Variants in AFG3L2 observed in about 807,000 individuals in gnomAD.
AFG3L2 encodes the protein AFG3 like matrix AAA peptidase subunit 2, also known as mitochondrial inner membrane m-AAA protease component AFG3L2.
A neutral mutation model predicts 94.5 loss-of-function variants in AFG3L2; 54 were observed. That is an observed-to-expected ratio of 0.57 (90% CI 0.46 to 0.72). The LOEUF (loss-of-function observed/expected upper bound fraction) is 0.72. Ranked by LOEUF, AFG3L2 falls within the 30% of genes least tolerant of loss-of-function variation. The probability of loss-of-function intolerance (pLI) is 0.00; values close to 1 mark genes in which losing one functional copy is unlikely to be tolerated. For missense variants in AFG3L2, 754 were observed against 994.9 expected, an observed-to-expected ratio of 0.76 and a Z score of 3.26; for synonymous variants, 377 against 365.5, an observed-to-expected ratio of 1.03 and a Z score of -0.36.
rs1435637180 is a variant in AFG3L2 at position 12,358,803 on chromosome 18, A to C, written c.893T>G (p.Val298Gly). Residue 298 changes from valine to glycine, a missense_variant, in exon 8 of 17, where the codon GTC becomes GGC. Around this residue, in one of 4 missense-constraint regions of AFG3L2, gnomAD observed 130 missense variants for 175.1 expected, o/e 0.74. Transcript: ENST00000269143. ...CTTCACATCAATTTCATCCTTTAAG[A>C]CCTTGGCAGTGGTTTCTCCGACACT... ...LFSVGETTAKVLKDEIDVKFK... is the reference protein window; with the variant it reads ...LFSVGETTAKGLKDEIDVKFK... 1 of 1,614,176 alleles carries C rather than the reference A, an allele frequency of 6.2e-7. No individual in the cohort carries two copies. Among genetic ancestry groups the C allele is most frequent in the Non-Finnish European group, 8.5e-7 (1 of 1,180,048 alleles).
At chr18:12,354,538 C>T (rs1261925494) in intron 9 of AFG3L2, among the ~76,000 whole-genome samples, 1 of 152,226 alleles carries the variant, frequency 6.6e-6, no homozygotes, top group Non-Finnish European at 1.5e-5. Context: ...ATGATGTCCT[C>T]AGTGATTTCC....
At chr18:12,361,208 A>G (rs1482317402) in intron 6 of AFG3L2, among the ~76,000 whole-genome samples, 4 of 152,140 alleles carry the variant, frequency 2.6e-5, no homozygotes, top group Admixed American at 2.0e-4. Context: ...TGTCTCTACT[A>G]AAACTACAAA....
chr18:12,343,940 TA>T, intron 14 of AFG3L2, 191 bp downstream of exon 14: 1 of 621,640 alleles, frequency 1.6e-6, no homozygotes, highest in South Asian at 1.9e-5. Context: ...TCCCTTTAAA[TA>T]ATTTTCTGTC....
chr18:12,350,278 T>C (rs891824413), intron 12 of AFG3L2, among the ~76,000 whole-genome samples: 2 of 152,204 alleles, frequency 1.3e-5, no homozygotes, highest in African/African-American at 2.4e-5. Context: ...CCCAAAGTGC[T>C]GGTATTACAG....
chr18:12,360,096 A>C (rs768343001), intron 6 of AFG3L2, 45 bp from the exon 7 acceptor site: 10 of 1,594,052 alleles, frequency 6.3e-6, no homozygotes, highest in African/African-American at 2.7e-5. Context: ...TAGTGAAACT[A>C]AAAGGTTCAA....
At chr18:12,367,239 C>T (rs776534184) in intron 4 of AFG3L2, 37 bp downstream of exon 4, 21 of 1,613,650 alleles carry the variant, frequency 1.3e-5, no homozygotes, top group Non-Finnish European at 1.6e-5. Context: ...GGGCCACCAT[C>T]ATAACCTCAA....
intron 15 of AFG3L2, among the ~76,000 whole-genome samples, chr18:12,339,673 C>A (rs1291220355): frequency 6.6e-6 from 1 of 151,266 alleles, no homozygotes; most frequent in Admixed American, 6.6e-5. Flanking sequence ...ACGGTGAAAC[C>A]CTGTCTCTAC....
At chr18:12,355,325 A>C (rs546222203) in intron 9 of AFG3L2, among the ~76,000 whole-genome samples, 9 of 152,340 alleles carry the variant, frequency 5.9e-5, no homozygotes, top group Non-Finnish European at 1.2e-4. Flanking sequence ...ACAAATGGCC[A>C]ATAAGCATAT....
intron 1 of AFG3L2, among the ~76,000 whole-genome samples, chr18:12,373,373 T>C (rs1356219605): frequency 2.0e-5 from 3 of 152,096 alleles, no homozygotes; most frequent in Admixed American, 6.6e-5. Context: ...CAGTGGGGTG[T>C]CCGAAGGGGA....
Position 12,329,655 on chromosome 18 carries a change from C to T in AFG3L2, c.2304G>A (p.Glu768=), listed in dbSNP as rs1242888595. The T allele has an allele frequency of 4.3e-6, 7 of 1,614,144 alleles. No homozygotes were observed. The South Asian group carries it at 7.7e-5, about 18-fold the overall frequency. The change falls in exon 17 of 17, where the codon GAG becomes GAA. Residue 768 remains glutamate, a synonymous_variant. Coordinates refer to ENST00000269143, the MANE Select transcript of AFG3L2 (RefSeq NM_006796.3). The part of the protein sequence containing the change: ...EFVEGTGSLD[E]DTSLPEGLKD... Reference sequence around the variant, plus strand: ...TAAGGCCTTCTGGAAGTGAGGTGTCCTCATCCAAGCTGCCAGTGCCTTCCA... The same window carrying T: ...TAAGGCCTTCTGGAAGTGAGGTGTCTTCATCCAAGCTGCCAGTGCCTTCCA...
At chr18:12,359,023 A>ACC in intron 7 of AFG3L2, 80 bp from the exon 8 acceptor site, 2 of 1,539,216 alleles carry the variant, frequency 1.3e-6, no homozygotes, top group African/African-American at 2.7e-5. Context: ...TATCAATATA[A>ACC]ATATATATAG....
intron 6 of AFG3L2, 80 bp downstream of exon 6, chr18:12,363,702 T>C: frequency 8.9e-7 from 1 of 1,123,636 alleles, no homozygotes; most frequent in South Asian, 1.2e-5. Flanking sequence ...TCCTAGAGTA[T>C]GAGGCAGGTT....
chr18:12,347,880 C>G (rs1299009923), intron 13 of AFG3L2, among the ~76,000 whole-genome samples: 3 of 152,212 alleles, frequency 2.0e-5, no homozygotes, highest in Non-Finnish European at 4.4e-5. Flanking sequence ...TCACCTGTAT[C>G]TAGCACAGAG....
At chr18:12,332,712 G>C (rs1369771569) in intron 16 of AFG3L2, among the ~76,000 whole-genome samples, 3 of 148,442 alleles carry the variant, frequency 2.0e-5, no homozygotes, top group Non-Finnish European at 4.5e-5. Flanking sequence ...TAAAAGATTA[G>C]GATTGTTTAG....
chr18:12,363,921 T>C (rs1908733159), intron 5 of AFG3L2, 65 bp from the exon 6 acceptor site: 1 of 1,175,854 alleles, frequency 8.5e-7, no homozygotes, highest in African/African-American at 1.5e-5. Flanking sequence ...TCTTTTAAGC[T>C]CATTTAAAAT....
At chr18:12,338,679 T>C (rs961868168) in intron 15 of AFG3L2, among the ~76,000 whole-genome samples, 3 of 152,102 alleles carry the variant, frequency 2.0e-5, no homozygotes, top group East Asian at 3.9e-4. Context: ...CATGTAAAAA[T>C]AGGCAATAGA....
At chr18:12,361,914 C>G (rs1908673441) in intron 6 of AFG3L2, among the ~76,000 whole-genome samples, 1 of 152,246 alleles carries the variant, frequency 6.6e-6, no homozygotes, top group African/African-American at 2.4e-5. Context: ...TTCCCCAACT[C>G]AGCCCCTGCT....
intron 9 of AFG3L2, 106 bp downstream of exon 9, chr18:12,356,588 T>C: frequency 6.6e-7 from 1 of 1,511,376 alleles, no homozygotes. Context: ...TGGTGAGAGG[T>C]CACTCTAGCA....
At chr18:12,345,323 C>G (rs1050209208) in intron 13 of AFG3L2, among the ~76,000 whole-genome samples, 1 of 152,272 alleles carries the variant, frequency 6.6e-6, no homozygotes, top group Non-Finnish European at 1.5e-5. Context: ...GCCCCTCACT[C>G]CATACCTCTG....
Sources: allele counts gnomAD v4.1 joint callset (sites outside exome capture counted in the v4.1 genomes callset), GRCh38; gene constraint gnomAD v4.1.1; regional missense constraint gnomAD v4.1.1; transcripts MANE v1.5; gene names NCBI Gene and HGNC (gene_info 2026-07-23, HGNC 2026-07-21).